The following C5AR2 variants were observed in gnomAD, a reference collection of about 807,000 sequenced individuals.
C5AR2 encodes complement C5a receptor 2.
For missense variants in C5AR2, 458 were observed against 467.5 expected, an observed-to-expected ratio of 0.98 and a Z score of 0.19; for synonymous variants, 224 against 216.5, an observed-to-expected ratio of 1.03 and a Z score of -0.30.
chr19:47,344,525 G>A lies in C5AR2; in HGVS notation c.*2712G>A, dbSNP rs1421065823. The A allele has an allele frequency of 2.0e-5, 3 of 152,092 alleles. No homozygotes were observed. The highest frequency in any genetic ancestry group is 2.9e-5 in the Non-Finnish European group (2 of 68,038). The allele number at this position is 152,092 out of a possible 1,614,324, so 9.4% of individuals were successfully genotyped here. On this transcript the variant is annotated 3_prime_UTR_variant, in exon 2 of 2. Transcript: ENST00000595464. The stretch of plus-strand genomic sequence containing the variant: ...CTGGGAGGGGAGGTCATTTACCCAA[G>A]ATCACACAGCAAGAACACCAGACAG...
At chr19:47,347,324 ATTATTTAT>A (rs10626798) in exon 2 of C5AR2, 303 of 149,694 alleles carry the variant, frequency 2.0e-3, no homozygotes, top group African/African-American at 7.2e-3. Context: ...TATTGTTTGG[ATTATTTAT>A]TTATTTATTT....
rs772020093 is a variant in C5AR2 at position 47,341,327 on chromosome 19, C to G, written c.528C>G (p.His176Gln). The G allele has an allele frequency of 1.2e-6, 2 of 1,611,490 alleles. No individual in the cohort carries two copies. The change falls in exon 2 of 2, where the codon CAC becomes CAG. Residue 176 changes from histidine (H) to glutamine (Q), a missense_variant. His to Gln is a conservative substitution (Grantham distance 24). Transcript: ENST00000595464. The surrounding 1 kb of genome is among the most constrained non-coding windows in gnomAD (Gnocchi z 4.6). ...CCTCCGCCATCTACCGCCGGCTGCA[C>G]CAGGAGCACTTCCCAGCCCGGCTGC... is the stretch of plus-strand genomic sequence containing the variant. ...TVPSAIYRRLHQEHFPARLQC... is the reference protein window; with the variant it reads ...TVPSAIYRRLQQEHFPARLQC...
chr19:47,345,686 C>T lies in C5AR2; in HGVS notation c.*3873C>T, dbSNP rs974353870. 2.6e-5 allele frequency: 4 copies of T among 151,550 alleles called. No homozygotes were observed. The highest frequency in any genetic ancestry group is 9.7e-5 in the African/African-American group (4 of 41,252). 9.4% of individuals were successfully genotyped at this position (151,550 alleles called of 1,614,324 possible). A position where few individuals can be genotyped will look rare whatever the true frequency, so the allele number is the denominator to read the frequency against. ...CCACGCCCGGCCTGATATTTTATTACTTAGTATTTTACTCTGAATTATCAT... is the reference window on the plus strand; with the variant it reads ...CCACGCCCGGCCTGATATTTTATTATTTAGTATTTTACTCTGAATTATCAT... On this transcript the variant is annotated 3_prime_UTR_variant, in exon 2 of 2. Transcript: ENST00000595464.
rs1344668570 is a variant in C5AR2 at position 47,344,973 on chromosome 19, A to G, written c.*3160A>G. On this transcript the variant is annotated 3_prime_UTR_variant, in exon 2 of 2. Transcript: ENST00000595464. ...TTTTTAGTAGAGACAGGGTTTCACC[A>G]TGTTGGCCAGGCTGGTCTCGAACTC... 6.6e-6 allele frequency: 1 copy of G among 152,120 alleles called. No individual in the cohort carries two copies. Among genetic ancestry groups the G allele is most frequent in the African/African-American group, 2.4e-5 (1 of 41,420 alleles). The allele number at this position is 152,120 out of a possible 1,614,324, so 9.4% of individuals were successfully genotyped here.
At chr19:47,334,343 C>T (rs754487729) in intron 1 of C5AR2, among the ~76,000 whole-genome samples, 15 of 151,882 alleles carry the variant, frequency 9.9e-5, no homozygotes, top group African/African-American at 4.8e-5. Context: ...ATCAACCCAT[C>T]GTAAGGCTGG....
intron 1 of C5AR2, among the ~76,000 whole-genome samples, chr19:47,338,753 C>A (rs1290201445): frequency 6.6e-6 from 1 of 150,896 alleles, no homozygotes; most frequent in Non-Finnish European, 1.5e-5. Context: ...TGGAGGGTTG[C>A]TTGAGCCCAG....
At chr19:47,340,137 C>T (rs1030579110) in intron 1 of C5AR2, among the ~76,000 whole-genome samples, 2 of 151,218 alleles carry the variant, frequency 1.3e-5, no homozygotes, top group African/African-American at 2.4e-5. Context: ...AAAAAATTTT[C>T]GTAGAGATGG....
rs980017116 is a variant in C5AR2, at chr19:47,333,795, G to A, written c.-16+1446G>A. On this transcript the variant is annotated intron_variant, in intron 1 of 1. Coordinates refer to ENST00000595464, the MANE Select transcript of C5AR2 (RefSeq NM_001271749.2). ...GGGGTTTCACCATGTTAGCCAGGAT[G>A]GTCTCGATCTCCTGACCTCGTGATC... 3.9e-5 allele frequency among the ~76,000 whole-genome samples: 6 copies of A among 151,938 alleles called. No individual in the cohort carries two copies. The East Asian group carries it at 1.2e-3, about 29-fold the overall frequency.
intron 1 of C5AR2, among the ~76,000 whole-genome samples, chr19:47,338,501 C>T (rs1173879723): frequency 6.7e-6 from 1 of 149,518 alleles, no homozygotes; most frequent in Non-Finnish European, 1.5e-5. Context: ...ACAGTGGCTT[C>T]CAATAATAAT....
intron 1 of C5AR2, among the ~76,000 whole-genome samples, chr19:47,336,168 C>G (rs2059356845): frequency 6.6e-6 from 1 of 152,008 alleles, no homozygotes; most frequent in South Asian, 2.1e-4. Flanking sequence ...TGGCTCACTG[C>G]AACCTCTGCC....
Position 47,343,115 on chromosome 19 carries a change from T to C in C5AR2, c.*1302T>C, listed in dbSNP as rs1969069723. 1 of 151,944 alleles carries C rather than the reference T, an allele frequency of 6.6e-6. No homozygotes were observed. Among genetic ancestry groups the C allele is most frequent in the South Asian group, 2.1e-4 (1 of 4,810 alleles). The allele number at this position is 151,944 out of a possible 1,614,324, so 9.4% of individuals were successfully genotyped here. A position where few individuals can be genotyped will look rare whatever the true frequency, so the allele number is the denominator to read the frequency against. ...GGTGGGCTCAATGGAGTCACGAGGG[T>C]CCTTTTAAGAGGGAGGCAGGAGGGT... On this transcript the variant is annotated 3_prime_UTR_variant, in exon 2 of 2. Transcript: ENST00000595464.
intron 1 of C5AR2, 33 bp from the exon 2 acceptor site, chr19:47,340,752 T>G (rs1034464074): frequency 6.2e-7 from 1 of 1,608,062 alleles, no homozygotes. Context: ...AGTTTCCTCC[T>G]CTGAGTTTTC....
intron 1 of C5AR2, among the ~76,000 whole-genome samples, chr19:47,336,428 CTTTCT>C (rs1568668308): frequency 1.5e-3 from 189 of 122,138 alleles, no homozygotes; most frequent in Middle Eastern, 0.012. Flanking sequence ...CTCTTTCTTT[CTTTCT>C]TTCCTTCCTT....
In C5AR2 at chr19:47,341,246, C is replaced by T. The variant is rs1424717231; in HGVS notation, c.447C>T (p.Cys149=). The change falls in exon 2 of 2, where the codon TGC becomes TGT. Residue 149 remains cysteine (C), a synonymous_variant. Transcript: ENST00000595464. This position sits in a 1 kb window ranked among gnomAD's most constrained non-coding sequence, Gnocchi z 4.6. ...GGTGGTCTACGGTTCAGCGGGCGTGCGGGGTGCAGGTGGCCTGTGGGGCAG... is the reference window on the plus strand; with the variant it reads ...GGTGGTCTACGGTTCAGCGGGCGTGTGGGGTGCAGGTGGCCTGTGGGGCAG... ...PAWWSTVQRA[C]GVQVACGAAW... is the part of the protein sequence containing the mutation. 20 of 1,602,560 alleles carry T rather than the reference C, an allele frequency of 1.2e-5. No individual in the cohort carries two copies. The highest frequency in any genetic ancestry group is 8.0e-5 in the African/African-American group (6 of 74,920).
Position 47,341,512 on chromosome 19 carries a change from T to C in C5AR2, c.713T>C (p.Ile238Thr), listed in dbSNP as rs201304390. ...CGCTGCCGGCCGCTGGGCACAGCCA[T>C]TGTGGTGGGGTTTTTTGTCTGCTGG... ...ARRCRPLGTA[I>T]VVGFFVCWAP... The change falls in exon 2 of 2, where the codon ATT becomes ACT. Residue 238 changes from isoleucine (I) to threonine (T), a missense_variant. Coordinates refer to ENST00000595464, the MANE Select transcript of C5AR2 (RefSeq NM_001271749.2). The surrounding 1 kb of genome is among the most constrained non-coding windows in gnomAD (Gnocchi z 4.6). 6.9e-5 allele frequency: 112 copies of C among 1,612,104 alleles called. No homozygotes were observed. Among genetic ancestry groups the C allele is most frequent in the Non-Finnish European group, 9.0e-5 (106 of 1,179,668 alleles).
In C5AR2 at chr19:47,341,445, G is replaced by A. The variant is rs1279312577; in HGVS notation, c.646G>A (p.Val216Met). ...TGGCTTCCTGGGGCCCCTGGTGGCCGTGGCCAGCTGCCACAGTGCCCTCCT... is the reference window on the plus strand; with the variant it reads ...TGGCTTCCTGGGGCCCCTGGTGGCCATGGCCAGCTGCCACAGTGCCCTCCT... ...LFGFLGPLVA[V>M]ASCHSALLCW... The change falls in exon 2 of 2, where the codon GTG becomes ATG. Residue 216 changes from valine (V) to methionine (M), a missense_variant. Physicochemically the swap from Val to Met is conservative, Grantham distance 21. Coordinates refer to ENST00000595464, the MANE Select transcript of C5AR2 (RefSeq NM_001271749.2). This position sits in a 1 kb window ranked among gnomAD's most constrained non-coding sequence, Gnocchi z 4.6. 1.2e-6 allele frequency: 2 copies of A among 1,611,598 alleles called. No individual in the cohort carries two copies. Among genetic ancestry groups the A allele is most frequent in the Non-Finnish European group, 1.7e-6 (2 of 1,179,830 alleles).
rs1280982400 is a variant in C5AR2, at chr19:47,346,462, GGGAGGCCAATGCAGGT to G, written c.*4653_*4668del. The stretch of plus-strand genomic sequence containing the variant: ...CTCATGTCTGTAATCCCAGTACTTT[GGGAGGCCAATGCAGGT>G]GGATCACCTGAGGTCAGGAGATCAA... On this transcript the variant is annotated 3_prime_UTR_variant, in exon 2 of 2. Transcript: ENST00000595464. 1 of 152,082 alleles carries G rather than the reference GGGAGGCCAATGCAGGT, an allele frequency of 6.6e-6. No homozygotes were observed. The highest frequency in any genetic ancestry group is 1.5e-5 in the Non-Finnish European group (1 of 68,040). The allele number at this position is 152,082 out of a possible 1,614,324, so 9.4% of individuals were successfully genotyped here. A position where few individuals can be genotyped will look rare whatever the true frequency, so the allele number is the denominator to read the frequency against.
At position 47,341,485 on chromosome 19, in the gene C5AR2, G is replaced by T; in HGVS notation, c.686G>T (p.Arg229Leu). ...CHSALLCWAA[R>L]RCRPLGTAIV... is the part of the protein sequence containing the mutation. ...AGTGCCCTCCTGTGCTGGGCAGCCCGACGCTGCCGGCCGCTGGGCACAGCC... is the reference window on the plus strand; with the variant it reads ...AGTGCCCTCCTGTGCTGGGCAGCCCTACGCTGCCGGCCGCTGGGCACAGCC... The change falls in exon 2 of 2, where the codon CGA (arginine) becomes CTA (leucine). Residue 229 changes from arginine (R) to leucine (L), a missense_variant. By Grantham distance (102) the Arg-to-Leu change is moderately radical. Transcript: ENST00000595464. The surrounding 1 kb of genome is among the most constrained non-coding windows in gnomAD (Gnocchi z 4.6). 6.2e-7 allele frequency: 1 copy of T among 1,611,740 alleles called. No homozygotes were observed. Among genetic ancestry groups the T allele is most frequent in the Admixed American group, 1.7e-5 (1 of 59,980 alleles).
At position 47,338,136 on chromosome 19, in the gene C5AR2, C is replaced by T. The variant is rs189968758; in HGVS notation, c.-15-2649C>T. On this transcript the variant is annotated intron_variant, in intron 1 of 1. Coordinates refer to ENST00000595464, the MANE Select transcript of C5AR2 (RefSeq NM_001271749.2). The stretch of plus-strand genomic sequence containing the variant: ...TTCAGTGATACAGTGTTTAAAGCTG[C>T]GTGGTGGCCACTGCCTGTAGTCCCA... Among the ~76,000 whole-genome samples the T allele has an allele frequency of 6.4e-4, 97 of 151,876 alleles. 1 individual carries two copies. The East Asian group carries it at 0.017, about 27-fold the overall frequency.
Sources: gnomAD v4.1 joint callset for allele counts (sites outside exome capture counted in the v4.1 genomes callset) on GRCh38, gnomAD v4.1.1 for gene constraint, Gnocchi (gnomAD v3.1) non-coding constraint, MANE v1.5 for transcripts, NCBI Gene and HGNC (gene_info 2026-07-23, HGNC 2026-07-21) for gene names.